Variants in WWOX observed in about 807,000 individuals in gnomAD.
The protein encoded by WWOX is WW domain containing oxidoreductase.
WWOX carries 69 observed loss-of-function variants against 46.2 expected under a neutral mutation model. The ratio of observed to expected loss-of-function variants is 1.49; its 90% CI spans 1.23 to 1.82. The LOEUF (loss-of-function observed/expected upper bound fraction) is 1.82. Among genes scored for constraint, WWOX ranks in the 40% most tolerant of loss-of-function variants. The pLI is 0.00. For synonymous variants in WWOX, 359 were observed against 202.6 expected, an observed-to-expected ratio of 1.77 and a Z score of -6.56; for missense variants, 919 against 542.6, an observed-to-expected ratio of 1.69 and a Z score of -6.89.
At chr16:78,408,653 G>A (rs1363631790) in intron 6 of WWOX, among the ~76,000 whole-genome samples, 1 of 152,206 alleles carries the variant, frequency 6.6e-6, no homozygotes, top group Non-Finnish European at 1.5e-5. Context: ...ATTCCGTTGT[G>A]CCTGTCGTCT....
chr16:78,110,867 G>C (rs1053851703), intron 3 of WWOX, among the ~76,000 whole-genome samples: 1 of 152,164 alleles, frequency 6.6e-6, no homozygotes, highest in African/African-American at 2.4e-5. Context: ...CCCAGCACCT[G>C]CTCCAGGGAC....
chr16:78,311,538 A>C (rs4074541), intron 5 of WWOX, among the ~76,000 whole-genome samples: 60,005 of 152,002 alleles, frequency 0.39, 12,402 homozygotes, highest in East Asian at 0.64. Flanking sequence ...TTAACTGTTT[A>C]ATGACTGGCA....
chr16:78,618,425 C>T (rs1338586395), intron 8 of WWOX, among the ~76,000 whole-genome samples: 1 of 152,156 alleles, frequency 6.6e-6, no homozygotes, highest in Non-Finnish European at 1.5e-5. Context: ...TGGAGATGAC[C>T]ATCTTCTCTG....
intron 8 of WWOX, among the ~76,000 whole-genome samples, chr16:78,494,473 G>C (rs1278810334): frequency 3.0e-5 from 2 of 67,732 alleles, no homozygotes; most frequent in Non-Finnish European, 9.3e-5. Flanking sequence ...AAATAAGATT[G>C]ATACAAACAC....
chr16:78,818,386 C>G (rs2051399733), intron 8 of WWOX, among the ~76,000 whole-genome samples: 1 of 152,230 alleles, frequency 6.6e-6, no homozygotes, highest in African/African-American at 2.4e-5. Flanking sequence ...GTTCTACCAC[C>G]TTCATTGACT....
intron 8 of WWOX, among the ~76,000 whole-genome samples, chr16:79,140,658 C>T (rs2050071941): frequency 6.6e-6 from 1 of 152,242 alleles, no homozygotes; most frequent in Non-Finnish European, 1.5e-5. Flanking sequence ...GCTCCCAATT[C>T]TCTAGATCTG....
intron 5 of WWOX, among the ~76,000 whole-genome samples, chr16:78,333,919 C>T (rs955679590): frequency 4.7e-5 from 7 of 149,418 alleles, no homozygotes; most frequent in African/African-American, 1.8e-4. Context: ...ATCTCCTCCC[C>T]CTCTTCTTCT....
intron 8 of WWOX, among the ~76,000 whole-genome samples, chr16:78,938,225 C>A (rs1247752546): frequency 6.6e-6 from 1 of 152,204 alleles, no homozygotes; most frequent in Non-Finnish European, 1.5e-5. Flanking sequence ...GACTTCCACA[C>A]ACCTGGACGT....
chr16:78,107,100 G>T (rs1178823321), intron 1 of WWOX, among the ~76,000 whole-genome samples: 1 of 152,120 alleles, frequency 6.6e-6, no homozygotes, highest in Non-Finnish European at 1.5e-5. Context: ...TAATTGATAG[G>T]GAAAGAATGT....
Position 78,904,704 on chromosome 16 carries a change from C to A in WWOX, c.1057-306904C>A, listed in dbSNP as rs2044916324. Among the ~76,000 whole-genome samples, 4 of 152,128 alleles carry A rather than the reference C, an allele frequency of 2.6e-5. No individual in the cohort carries two copies. The South Asian group carries it at 8.3e-4, about 32-fold the overall frequency. ...TGGGGAGCAGGTAATTATGCTGGGA[C>A]AATAGGCGTATGTCAAGATATCTGG... On this transcript the variant is annotated intron_variant, in intron 8 of 8. Transcript: ENST00000566780.
At chr16:78,155,768 A>G (rs568810878) in intron 4 of WWOX, among the ~76,000 whole-genome samples, 2 of 152,336 alleles carry the variant, frequency 1.3e-5, no homozygotes, top group East Asian at 3.9e-4. Flanking sequence ...GGCACTGTGC[A>G]GAATAGGCTT....
At chr16:78,353,730 A>T (rs540166289) in intron 5 of WWOX, among the ~76,000 whole-genome samples, 18 of 152,354 alleles carry the variant, frequency 1.2e-4, no homozygotes, top group Admixed American at 8.5e-4. Context: ...TTAAGAACTT[A>T]TTGAAGTGAG....
At position 78,859,289 on chromosome 16, in the gene WWOX, G is replaced by C. The variant is rs558813303; in HGVS notation, c.1057-352319G>C. Among the ~76,000 whole-genome samples, 256 of 151,592 alleles carry C rather than the reference G, an allele frequency of 1.7e-3. 1 individual carries two copies. Among genetic ancestry groups the C allele is most frequent in the African/African-American group, 5.1e-3 (211 of 41,302 alleles). On this transcript the variant is annotated intron_variant, in intron 8 of 8. Transcript: ENST00000566780. ...AAGGGAAGTGGAGAAGGCAGGAATG[G>C]AATTGATTTTTCCCCCCTGCTGAAT...
At chr16:78,183,343 A>G (rs978334783) in intron 5 of WWOX, among the ~76,000 whole-genome samples, 2 of 152,162 alleles carry the variant, frequency 1.3e-5, no homozygotes, top group African/African-American at 4.8e-5. Flanking sequence ...AGCAGATACA[A>G]TGCCTGTATT....
chr16:79,058,462 AAGAG>A (rs1268135380), intron 8 of WWOX, among the ~76,000 whole-genome samples: 8 of 151,890 alleles, frequency 5.3e-5, no homozygotes, highest in Non-Finnish European at 7.4e-5. Flanking sequence ...AGAAGGAAGG[AAGAG>A]AGAGAGGGAA....
At chr16:78,378,464 G>C (rs1198280552) in intron 5 of WWOX, among the ~76,000 whole-genome samples, 1 of 152,080 alleles carries the variant, frequency 6.6e-6, no homozygotes, top group African/African-American at 2.4e-5. Context: ...GTGAAGATGC[G>C]ATCACCCATT....
At chr16:79,093,766 C>T (rs1238162248) in intron 8 of WWOX, among the ~76,000 whole-genome samples, 2 of 152,242 alleles carry the variant, frequency 1.3e-5, no homozygotes, top group African/African-American at 2.4e-5. Flanking sequence ...CTTCTCCAAT[C>T]ATTGATACTT....
At chr16:78,762,416 G>A (rs555950700) in intron 8 of WWOX, among the ~76,000 whole-genome samples, 25 of 152,234 alleles carry the variant, frequency 1.6e-4, no homozygotes, top group Admixed American at 1.5e-3. Context: ...TTTAGAAGGG[G>A]AACTGCTCAC....
At chr16:78,602,269 G>T (rs760080468) in intron 8 of WWOX, among the ~76,000 whole-genome samples, 1 of 152,108 alleles carries the variant, frequency 6.6e-6, no homozygotes, top group African/African-American at 2.4e-5. Flanking sequence ...GTCTCGATCT[G>T]ACAGCCAGAC....
Sources: gnomAD v4.1 joint callset for allele counts (sites outside exome capture counted in the v4.1 genomes callset) on GRCh38, gnomAD v4.1.1 for gene constraint, MANE v1.5 for transcripts, NCBI Gene and HGNC (gene_info 2026-07-23, HGNC 2026-07-21) for gene names.